The following FAT4 variants were observed in gnomAD, a reference collection of about 807,000 sequenced individuals.
The protein encoded by FAT4 is protocadherin Fat 4.
In FAT4, 84 loss-of-function variants were observed where a neutral mutation model predicts 303.9. The observed-to-expected ratio is 0.28, with a 90% CI of 0.23 to 0.33. FAT4 has a LOEUF of 0.33. Ranked by LOEUF, FAT4 falls within the 10% of genes least tolerant of loss-of-function variation. The pLI is 1.00. For synonymous variants in FAT4, 2,307 were observed against 2,298.8 expected (o/e 1.00, Z -0.10); for missense variants, 6,005 against 6,146.8 (o/e 0.98, Z 0.77).
At chr4:125,443,473 A>G (rs1490879452) in intron 8 of FAT4, among the ~76,000 whole-genome samples, 1 of 152,118 alleles carries the variant, frequency 6.6e-6, no homozygotes, top group Non-Finnish European at 1.5e-5. Context: ...GTGAAGTCAT[A>G]AAGACAGAAA....
At position 125,490,733 on chromosome 4, in the gene FAT4, A is replaced by G. The variant is rs1323678957; in HGVS notation, c.13917A>G (p.Gln4639=). The change falls in exon 18 of 18, where the codon CAA becomes CAG. Residue 4639 remains glutamine (Q), a synonymous_variant. Transcript: ENST00000394329. ...SIAPSDADII[Q]HYKQFRSHTP... is the part of the protein sequence containing the mutation. Reference sequence around the variant, plus strand: ...CCCCTTCGGATGCAGACATCATTCAACACTACAAGCAGTTCCGCAGCCACA... The same window carrying G: ...CCCCTTCGGATGCAGACATCATTCAGCACTACAAGCAGTTCCGCAGCCACA... 3.1e-6 allele frequency: 5 copies of G among 1,614,106 alleles called. No homozygotes were observed. In the Admixed American group the frequency reaches 8.3e-5, roughly 27 times the overall value.
intron 2 of FAT4, among the ~76,000 whole-genome samples, chr4:125,382,868 G>C (rs1733594691): frequency 6.6e-6 from 1 of 152,180 alleles, no homozygotes; most frequent in Non-Finnish European, 1.5e-5. Context: ...AGCATTTGCT[G>C]CTTCACCTTG....
chr4:125,357,719 G>C (rs941616436), intron 2 of FAT4, among the ~76,000 whole-genome samples: 15 of 152,126 alleles, frequency 9.9e-5, no homozygotes, highest in African/African-American at 3.6e-4. Context: ...GTTGAACACT[G>C]CTGGCATGTG....
At chr4:125,346,166 C>T (rs1426759380) in intron 2 of FAT4, among the ~76,000 whole-genome samples, 3 of 151,966 alleles carry the variant, frequency 2.0e-5, no homozygotes, top group African/African-American at 7.3e-5. Context: ...GTAGAGCAAC[C>T]TGTATTGAAG....
rs745697037 is a variant in FAT4 at position 125,448,823 on chromosome 4, A to G, written c.7813A>G (p.Ile2605Val). ...SLRGEPMSYY[I>V]ASGNLGNTFQ... is the part of the protein sequence containing the mutation. Reference sequence around the variant, plus strand: ...AAGAGGAGAACCTATGTCATATTATATCGCAAGTGGGAATCTTGGCAATAC... The same window carrying G: ...AAGAGGAGAACCTATGTCATATTATGTCGCAAGTGGGAATCTTGGCAATAC... Residue 2605 changes from isoleucine to valine, a missense_variant, in exon 10 of 18, where the codon ATC (isoleucine) becomes GTC (valine). Ile to Val is a conservative substitution (Grantham distance 29). Coordinates refer to ENST00000394329, the MANE Select transcript of FAT4 (RefSeq NM_001291303.3). 170 of 1,608,950 alleles carry G rather than the reference A, an allele frequency of 1.1e-4. No homozygotes were observed. In the Admixed American group the frequency reaches 2.8e-3, roughly 26 times the overall value.
intron 15 of FAT4, among the ~76,000 whole-genome samples, chr4:125,480,372 T>A (rs1359203826): frequency 6.6e-6 from 1 of 152,172 alleles, no homozygotes; most frequent in Non-Finnish European, 1.5e-5. Context: ...TATTACTTTT[T>A]AAAATCCTTT....
chr4:125,405,608 T>A (rs1223003447), intron 3 of FAT4, among the ~76,000 whole-genome samples: 2 of 152,016 alleles, frequency 1.3e-5, no homozygotes, highest in African/African-American at 4.8e-5. Flanking sequence ...CCTCCCGAGT[T>A]CATGCCATTC....
chr4:125,349,918 A>C (rs1453554651), intron 2 of FAT4, among the ~76,000 whole-genome samples: 2 of 151,696 alleles, frequency 1.3e-5, no homozygotes, highest in Admixed American at 1.3e-4. Context: ...CAATCTTGAC[A>C]CATATATTGA....
chr4:125,393,085 C>T (rs1483123178), intron 2 of FAT4, among the ~76,000 whole-genome samples: 1 of 152,018 alleles, frequency 6.6e-6, no homozygotes, highest in African/African-American at 2.4e-5. Context: ...GATTTCTGAA[C>T]TTTCAGTGTA....
chr4:125,446,489 C>G lies in FAT4; in HGVS notation c.7396C>G (p.Pro2466Ala). 1 of 1,613,470 alleles carries G rather than the reference C, an allele frequency of 6.2e-7. No individual in the cohort carries two copies. Among genetic ancestry groups the G allele is most frequent in the Non-Finnish European group, 8.5e-7 (1 of 1,179,536 alleles). The change falls in exon 9 of 18, where the codon CCA becomes GCA. Residue 2466 changes from proline (P) to alanine (A), a missense_variant. Pro to Ala is a conservative substitution (Grantham distance 27, BLOSUM62 -1). Coordinates refer to ENST00000394329, the MANE Select transcript of FAT4 (RefSeq NM_001291303.3). The stretch of plus-strand genomic sequence containing the variant: ...TGTGACTGATGTCAATGACAATCCA[C>G]CAAGATTTCAGCATCACCCATATGT... Reference protein sequence around the residue: ...VTVTDVNDNPPRFQHHPYVTH... With the variant: ...VTVTDVNDNPARFQHHPYVTH...
chr4:125,472,836 G>A (rs932341866), intron 12 of FAT4, among the ~76,000 whole-genome samples: 1 of 152,106 alleles, frequency 6.6e-6, no homozygotes, highest in South Asian at 2.1e-4. Flanking sequence ...TGTCATTCAC[G>A]GATATCGCCA....
intron 2 of FAT4, among the ~76,000 whole-genome samples, chr4:125,364,591 C>T (rs755507107): frequency 3.3e-5 from 5 of 151,576 alleles, no homozygotes; most frequent in African/African-American, 4.8e-5. Flanking sequence ...TACGAAGGAT[C>T]GCTTGAATTA....
chr4:125,450,181 T>C lies in FAT4; in HGVS notation c.9171T>C (p.Phe3057=), dbSNP rs773265180. The part of the protein sequence containing the change: ...SSLISDLNQN[F]FITVTAKDKG... The stretch of plus-strand genomic sequence containing the variant: ...TGATTTCTGACTTGAACCAAAACTT[T>C]TTTATCACAGTCACTGCAAAGGATA... Residue 3057 remains phenylalanine, a synonymous_variant, in exon 10 of 18, where the codon TTT becomes TTC. Transcript: ENST00000394329. 1 of 1,613,838 alleles carries C rather than the reference T, an allele frequency of 6.2e-7. No homozygotes were observed. Among genetic ancestry groups the C allele is most frequent in the East Asian group, 2.2e-5 (1 of 44,864 alleles).
chr4:125,440,456 A>T (rs927250159), intron 8 of FAT4, among the ~76,000 whole-genome samples: 1 of 151,896 alleles, frequency 6.6e-6, no homozygotes, highest in African/African-American at 2.4e-5. Context: ...TTCCTGCTCA[A>T]TGTCTATATA....
At chr4:125,406,797 T>G (rs1242679834) in intron 3 of FAT4, 83 bp from the exon 4 acceptor site, 61 of 1,475,556 alleles carry the variant, frequency 4.1e-5, no homozygotes, top group Non-Finnish European at 5.0e-5. Flanking sequence ...AGCCTTCCTT[T>G]GTCAAATACA....
intron 7 of FAT4, among the ~76,000 whole-genome samples, chr4:125,430,147 A>C (rs1489437794): frequency 2.5e-4 from 21 of 84,056 alleles, no homozygotes; most frequent in Non-Finnish European, 3.8e-4. Context: ...GTACCCTAGA[A>C]CTTAAAGTAT....
intron 2 of FAT4, among the ~76,000 whole-genome samples, chr4:125,381,041 G>A (rs1487327642): frequency 2.6e-5 from 4 of 152,216 alleles, no homozygotes; most frequent in East Asian, 1.9e-4. Flanking sequence ...TAAAACTAAC[G>A]TTAGTAGTCA....
intron 2 of FAT4, among the ~76,000 whole-genome samples, chr4:125,345,540 A>G (rs1731966239): frequency 6.6e-6 from 1 of 151,890 alleles, no homozygotes; most frequent in Non-Finnish European, 1.5e-5. Flanking sequence ...TATTACTACC[A>G]TTTAAATATA....
chr4:125,423,691 C>T (rs1375228257), intron 7 of FAT4, among the ~76,000 whole-genome samples: 1 of 152,204 alleles, frequency 6.6e-6, no homozygotes, highest in Non-Finnish European at 1.5e-5. Flanking sequence ...AGCTATGCAC[C>T]TGGCAAAGCT....
Sources: allele counts gnomAD v4.1 joint callset (sites outside exome capture counted in the v4.1 genomes callset), GRCh38; gene constraint gnomAD v4.1.1; transcripts MANE v1.5; gene names NCBI Gene and HGNC (gene_info 2026-07-23, HGNC 2026-07-21).